WASHC2C: variants seen among roughly 807,000 people sequenced by gnomAD.
WASHC2C encodes Vaccinia Penetration Factor.
Under a neutral mutation model 142.2 loss-of-function variants are expected in WASHC2C, and 73 were observed. That is an observed-to-expected ratio of 0.51 (90% CI 0.43 to 0.62). The LOEUF is 0.62. Ranked by LOEUF, WASHC2C falls within the 20% of genes least tolerant of loss-of-function variation. The probability of loss-of-function intolerance (pLI) is 0.00; values close to 1 mark genes in which losing one functional copy is unlikely to be tolerated. For missense variants in WASHC2C, 969 were observed against 1,531.7 expected (o/e 0.63, Z 6.13); for synonymous variants, 337 against 565.5 (o/e 0.60, Z 5.73).
chr10:45,785,572 C>T lies in WASHC2C; in HGVS notation c.2752C>T (p.His918Tyr), dbSNP rs2057975935. 20 of 1,613,740 alleles carry T rather than the reference C, an allele frequency of 1.2e-5. No individual in the cohort carries two copies. The highest frequency in any genetic ancestry group is 1.7e-5 in the Non-Finnish European group (20 of 1,179,852). The change falls in exon 26 of 31, where the codon CAT becomes TAT. Residue 918 changes from histidine (H) to tyrosine (Y), a missense_variant. His to Tyr is a moderately conservative substitution (Grantham distance 83, BLOSUM62 2). Coordinates refer to ENST00000623400, the MANE Select transcript of WASHC2C (RefSeq NM_001330074.2). The stretch of plus-strand genomic sequence containing the variant: ...TGTTAACTCTTTCAAAAACCAGAAA[C>T]ATCCTGAATCCATTCAAGGTAGTAA... The part of the protein sequence containing the change: ...HSVNSFKNQK[H>Y]PESIQGSKEK...
rs146388196 is a variant in WASHC2C at position 45,787,896 on chromosome 10, A to G, written c.3087+649A>G. ...GACACTGTTTCATGGGATCTCCTCA[A>G]TGGACTGTGAACTCTTTGAAGTTTT... On this transcript the variant is annotated intron_variant, in intron 28 of 30. Transcript: ENST00000623400. Among the ~76,000 whole-genome samples the G allele has an allele frequency of 4.0e-3, 614 of 152,276 alleles. 2 individuals are homozygous for G. The highest frequency in any genetic ancestry group is 7.3e-3 in the Non-Finnish European group (494 of 68,012).
chr10:45,747,921 A>G (rs1460591573), intron 8 of WASHC2C, among the ~76,000 whole-genome samples: 1 of 140,828 alleles, frequency 7.1e-6, no homozygotes, highest in African/African-American at 2.7e-5. Context: ...GCTTCGGTGA[A>G]CTGTTTCTTC....
intron 17 of WASHC2C, among the ~76,000 whole-genome samples, chr10:45,762,618 T>G (rs1285453101): frequency 6.6e-6 from 1 of 152,342 alleles, no homozygotes; most frequent in East Asian, 1.9e-4. Context: ...TTAAAAGAAA[T>G]AAGTCGGCCG....
In WASHC2C at chr10:45,789,151, C is replaced by T. The variant is rs1471200876; in HGVS notation, c.3368C>T (p.Ser1123Phe). 7.1e-5 allele frequency: 115 copies of T among 1,611,966 alleles called. No individual in the cohort carries two copies. The highest frequency in any genetic ancestry group is 7.6e-6 in the Non-Finnish European group (9 of 1,179,884). Residue 1123 changes from serine (S) to phenylalanine (F), a missense_variant, in exon 29 of 31, where the codon TCC (serine) becomes TTC (phenylalanine). By Grantham distance (155) the Ser-to-Phe change is radical (BLOSUM62 -2). Transcript: ENST00000623400. ...CCCTTTGCAAAGTCTCTGGGTCATTCCAGAGGGGAGGCTGACCTTTTTGAT... is the reference window on the plus strand; with the variant it reads ...CCCTTTGCAAAGTCTCTGGGTCATTTCAGAGGGGAGGCTGACCTTTTTGAT... ...TSPFAKSLGH[S>F]RGEADLFDSG...
At chr10:45,784,252 G>GTATATATATATATATATATATATATA (rs71225139) in intron 23 of WASHC2C, among the ~76,000 whole-genome samples, 3 of 40,736 alleles carry the variant, frequency 7.4e-5, no homozygotes, top group African/African-American at 1.5e-4. Context: ...GTGTGTGTGT[G>GTATATATATATATATATATATATATA]TATATATATA....
intron 17 of WASHC2C, among the ~76,000 whole-genome samples, chr10:45,759,679 T>A (rs1331934409): frequency 5.9e-5 from 9 of 151,842 alleles, no homozygotes; most frequent in African/African-American, 2.2e-4. Flanking sequence ...ATTAGCCGGG[T>A]ATGGTGGTGC....
intron 23 of WASHC2C, among the ~76,000 whole-genome samples, chr10:45,783,180 CTATGTT>C (rs2057655213): frequency 6.6e-6 from 1 of 150,540 alleles, no homozygotes; most frequent in Non-Finnish European, 1.5e-5. Flanking sequence ...AAGAAATAGT[CTATGTT>C]TATTTCTACA....
At chr10:45,730,141 T>C (rs1383497340) in intron 3 of WASHC2C, among the ~76,000 whole-genome samples, 11 of 133,398 alleles carry the variant, frequency 8.2e-5, no homozygotes, top group Non-Finnish European at 1.6e-4. Flanking sequence ...GGTTGGGAGT[T>C]CGAGACCAGC....
At chr10:45,773,168 G>A in intron 20 of WASHC2C, 88 bp from the exon 21 acceptor site, 1 of 554,272 alleles carries the variant, frequency 1.8e-6, no homozygotes, top group South Asian at 2.1e-5. Flanking sequence ...GATTCCTGTA[G>A]GTGCAGTCTA....
At position 45,769,544 on chromosome 10, in the gene WASHC2C, G is replaced by C; in HGVS notation, c.1965G>C (p.Glu655Asp). 1 of 1,611,838 alleles carries C rather than the reference G, an allele frequency of 6.2e-7. No homozygotes were observed. Among genetic ancestry groups the C allele is most frequent in the Non-Finnish European group, 8.5e-7 (1 of 1,179,830 alleles). The stretch of plus-strand genomic sequence containing the variant: ...ATTCTGGGACCCTCCAGAGCCAGGA[G>C]GCCAAGGCTGTGAAAAAGACCAGTC... ...PRDSGTLQSQ[E>D]AKAVKKTSLF... Residue 655 changes from glutamate to aspartate, a missense_variant, in exon 20 of 31, where the codon GAG (glutamate) becomes GAC (aspartate). Transcript: ENST00000623400.
At chr10:45,742,658 A>G (rs2052255223) in intron 5 of WASHC2C, among the ~76,000 whole-genome samples, 1 of 152,144 alleles carries the variant, frequency 6.6e-6, no homozygotes, top group Non-Finnish European at 1.5e-5. Flanking sequence ...ATTATGTCTC[A>G]TTAGTACTGC....
rs1388095491 is a variant in WASHC2C at position 45,790,653 on chromosome 10, T to C, written c.3886+120T>C. ...ATGCACCCCAGCGGGTTCACTTCAG[T>C]GTAATCCTGAGTTAGGCTGAAGATA... On this transcript the variant is annotated intron_variant, in intron 30 of 30. Coordinates refer to ENST00000623400, the MANE Select transcript of WASHC2C (RefSeq NM_001330074.2). The C allele has an allele frequency of 3.0e-6, 3 of 993,964 alleles. No homozygotes were observed. In the East Asian group the frequency reaches 7.7e-5, roughly 25 times the overall value. The allele number at this position is 993,964 out of a possible 1,614,324, so 61.6% of individuals were successfully genotyped here.
At chr10:45,784,281 T>TATATAC (rs2057812645) in intron 23 of WASHC2C, among the ~76,000 whole-genome samples, 1 of 9,042 alleles carries the variant, frequency 1.1e-4, no homozygotes, top group African/African-American at 1.8e-4. Context: ...TATATATATA[T>TATATAC]ATATATATAC....
chr10:45,776,108 G>A (rs1369688809), intron 21 of WASHC2C, among the ~76,000 whole-genome samples: 10 of 152,108 alleles, frequency 6.6e-5, no homozygotes, highest in Admixed American at 2.0e-4. Flanking sequence ...TTTATGTCAA[G>A]TTCAATGGTT....
chr10:45,748,758 A>C (rs2134507395), intron 8 of WASHC2C, among the ~76,000 whole-genome samples: 1 of 152,152 alleles, frequency 6.6e-6, no homozygotes, highest in Non-Finnish European at 1.5e-5. Flanking sequence ...ACATTGAAAA[A>C]AAATTTTTTT....
At chr10:45,743,537 A>C in intron 6 of WASHC2C, 54 bp downstream of exon 6, 11 of 1,584,158 alleles carry the variant, frequency 6.9e-6, no homozygotes, top group Non-Finnish European at 9.4e-6. Flanking sequence ...TTTATTTTAA[A>C]ATAATTTCAA....
At chr10:45,727,668 C>T in intron 2 of WASHC2C, 129 bp downstream of exon 2, 1 of 1,257,290 alleles carries the variant, frequency 8.0e-7, no homozygotes, top group Non-Finnish European at 1.1e-6. Context: ...ACACACGCCC[C>T]GTTTAGCCCC....
At chr10:45,742,870 C>CTTT (rs1446012396) in intron 5 of WASHC2C, among the ~76,000 whole-genome samples, 1 of 147,656 alleles carries the variant, frequency 6.8e-6, no homozygotes, top group East Asian at 2.0e-4. Flanking sequence ...ACTTTGGCAT[C>CTTT]TTTTTTCTTT....
At chr10:45,772,600 G>A (rs1286629849) in intron 20 of WASHC2C, among the ~76,000 whole-genome samples, 11 of 152,170 alleles carry the variant, frequency 7.2e-5, no homozygotes, top group Admixed American at 1.3e-4. Flanking sequence ...GCCTGTAGTC[G>A]TAGCTACTTG....
Sources: gnomAD v4.1 joint callset for allele counts (sites outside exome capture counted in the v4.1 genomes callset) on GRCh38, gnomAD v4.1.1 for gene constraint, MANE v1.5 for transcripts, NCBI Gene and HGNC (gene_info 2026-07-23, HGNC 2026-07-21) for gene names.